Variants in KLHL29 observed in about 807,000 individuals in gnomAD.
KLHL29 encodes the protein kelch like family member 29.
Under a neutral mutation model 80.4 loss-of-function variants are expected in KLHL29, and 21 were observed. The observed-to-expected ratio is 0.26, with a 90% CI of 0.19 to 0.38. The LOEUF is 0.38. Ranked by LOEUF, KLHL29 falls within the 10% of genes least tolerant of loss-of-function variation. The pLI, the probability that KLHL29 is intolerant of heterozygous loss-of-function variation, is 1.00. For missense variants in KLHL29, 867 were observed against 1,223.9 expected (o/e 0.71, Z 4.35); for synonymous variants, 511 against 526.8 (o/e 0.97, Z 0.41).
At chr2:23,421,566 CTGTA>C (rs1403899922) in intron 1 of KLHL29, among the ~76,000 whole-genome samples, 4 of 98,462 alleles carry the variant, frequency 4.1e-5, no homozygotes. Flanking sequence ...GTGTGTGTGT[CTGTA>C]GCTGTGTGTG....
At chr2:23,472,336 G>A (rs1386460529) in intron 1 of KLHL29, among the ~76,000 whole-genome samples, 2 of 152,124 alleles carry the variant, frequency 1.3e-5, no homozygotes, top group African/African-American at 4.8e-5. Flanking sequence ...CTGAGATGGT[G>A]ATGCTGAGAT....
intron 11 of KLHL29, among the ~76,000 whole-genome samples, chr2:23,699,965 T>G (rs1672263867): frequency 6.6e-6 from 1 of 152,220 alleles, no homozygotes; most frequent in Non-Finnish European, 1.5e-5. Context: ...GAGCCATCAG[T>G]CAAGAACTTG....
At chr2:23,671,236 T>A (rs544714510) in intron 5 of KLHL29, among the ~76,000 whole-genome samples, 2 of 152,102 alleles carry the variant, frequency 1.3e-5, no homozygotes, top group South Asian at 2.1e-4. Context: ...CTCTCAGAAT[T>A]CTTGGGAAGT....
At chr2:23,594,249 G>A (rs770968997) in intron 3 of KLHL29, among the ~76,000 whole-genome samples, 1 of 152,116 alleles carries the variant, frequency 6.6e-6, no homozygotes, top group Non-Finnish European at 1.5e-5. Context: ...GGAACATGCA[G>A]CGATTTCATG....
At chr2:23,619,733 A>G (rs1359569576) in intron 3 of KLHL29, among the ~76,000 whole-genome samples, 2 of 152,156 alleles carry the variant, frequency 1.3e-5, no homozygotes, top group African/African-American at 4.8e-5. Flanking sequence ...GGAAAAGAGA[A>G]ATGGAAGCAC....
intron 3 of KLHL29, among the ~76,000 whole-genome samples, chr2:23,571,538 CAGTCATT>C (rs993575484): frequency 1.3e-5 from 2 of 152,196 alleles, no homozygotes; most frequent in African/African-American, 4.8e-5. Context: ...GCTCCCCTCC[CAGTCATT>C]AGTTTAGGAA....
At chr2:23,432,339 C>T (rs1285989784) in intron 1 of KLHL29, among the ~76,000 whole-genome samples, 9 of 152,216 alleles carry the variant, frequency 5.9e-5, no homozygotes, top group East Asian at 1.9e-4. Flanking sequence ...TTTTGCCCTA[C>T]GAGCAACACA....
chr2:23,477,759 C>G (rs1664677588), intron 2 of KLHL29, among the ~76,000 whole-genome samples: 1 of 152,156 alleles, frequency 6.6e-6, no homozygotes, highest in Non-Finnish European at 1.5e-5. Flanking sequence ...GCCATGGCAT[C>G]CCCGCTCCTA....
intron 3 of KLHL29, among the ~76,000 whole-genome samples, chr2:23,586,365 T>G (rs1224119776): frequency 7.1e-6 from 1 of 140,626 alleles, no homozygotes; most frequent in Non-Finnish European, 1.5e-5. Context: ...AGCATTACTT[T>G]TTTTTTTTTT....
chr2:23,648,621 C>T (rs1670004049), intron 5 of KLHL29, among the ~76,000 whole-genome samples: 1 of 152,216 alleles, frequency 6.6e-6, no homozygotes, highest in African/African-American at 2.4e-5. Context: ...CCTCCTACCT[C>T]CCCTCAGGGG....
intron 5 of KLHL29, chr2:23,643,073 G>T (rs1049177764): frequency 1.3e-5 from 9 of 690,678 alleles, no homozygotes; most frequent in Non-Finnish European, 2.4e-5. Flanking sequence ...GGGAAAATGC[G>T]CCGGGGTAAG....
chr2:23,442,192 G>A (rs1378021939), intron 1 of KLHL29, among the ~76,000 whole-genome samples: 1 of 152,086 alleles, frequency 6.6e-6, no homozygotes, highest in Non-Finnish European at 1.5e-5. Context: ...CCAGGCTCAA[G>A]CAATCCTCCC....
rs1432502568 is a variant in KLHL29, at chr2:23,457,289, T to C, written c.-153-18271T>C. On this transcript the variant is annotated intron_variant, in intron 1 of 13. Coordinates refer to ENST00000486442, the MANE Select transcript of KLHL29 (RefSeq NM_052920.2). This position sits in a 1 kb window ranked among gnomAD's most constrained non-coding sequence, Gnocchi z 4.3. ...GCTCTGAGCCCAGAGGGGCCAGGTC[T>C]TTGGAGTCTGGAATGACTAAGGCAG... Among the ~76,000 whole-genome samples, 4 of 152,232 alleles carry C rather than the reference T, an allele frequency of 2.6e-5. No individual in the cohort carries two copies. The highest frequency in any genetic ancestry group is 9.6e-5 in the African/African-American group (4 of 41,462).
Position 23,460,762 on chromosome 2 carries a change from G to A in KLHL29, c.-153-14798G>A, listed in dbSNP as rs556037780. On this transcript the variant is annotated intron_variant, in intron 1 of 13. Transcript: ENST00000486442. ...AACTCAGGAGCTTCCCGTGAAGGGA[G>A]CATCGTGCAAACTCAGGAGCTTCCC... 2.0e-5 allele frequency among the ~76,000 whole-genome samples: 3 copies of A among 151,762 alleles called. No individual in the cohort carries two copies. The East Asian group carries it at 5.9e-4, about 30-fold the overall frequency.
intron 1 of KLHL29, among the ~76,000 whole-genome samples, chr2:23,445,023 A>T (rs940232755): frequency 6.6e-6 from 1 of 152,260 alleles, no homozygotes; most frequent in Non-Finnish European, 1.5e-5. Flanking sequence ...ATGAAATGAC[A>T]TATAACAAAA....
chr2:23,486,939 C>T (rs1558356331), intron 2 of KLHL29, among the ~76,000 whole-genome samples: 1 of 152,212 alleles, frequency 6.6e-6, no homozygotes. Context: ...AACTTGCATG[C>T]ACTTTCTCGT....
At chr2:23,419,397 C>G (rs1419043082) in intron 1 of KLHL29, among the ~76,000 whole-genome samples, 1 of 151,970 alleles carries the variant, frequency 6.6e-6, no homozygotes, top group Non-Finnish European at 1.5e-5. Context: ...GGGGAGGGCA[C>G]AGCCATCACA....
At chr2:23,518,721 C>T (rs1666012986) in intron 2 of KLHL29, among the ~76,000 whole-genome samples, 2 of 152,166 alleles carry the variant, frequency 1.3e-5, no homozygotes, top group Non-Finnish European at 2.9e-5. Context: ...TCCACAGCTG[C>T]ACACGCCAAC....
intron 1 of KLHL29, among the ~76,000 whole-genome samples, chr2:23,466,697 G>T (rs759333395): frequency 4.6e-5 from 7 of 152,164 alleles, no homozygotes; most frequent in Admixed American, 1.3e-4. Flanking sequence ...AGGTATCTTT[G>T]TTATGGTTTT....
Sources: gnomAD v4.1 joint callset for allele counts (sites outside exome capture counted in the v4.1 genomes callset) on GRCh38, gnomAD v4.1.1 for gene constraint, Gnocchi (gnomAD v3.1) non-coding constraint, MANE v1.5 for transcripts, NCBI Gene and HGNC (gene_info 2026-07-23, HGNC 2026-07-21) for gene names.